Variants in NUPR1 observed in about 807,000 individuals in gnomAD.
NUPR1 encodes the protein nuclear protein 1, transcriptional regulator.
Under a neutral mutation model 7.3 loss-of-function variants are expected in NUPR1, and 8 were observed. The observed-to-expected ratio is 1.09, with a 90% CI of 0.64 to 1.97. The LOEUF (loss-of-function observed/expected upper bound fraction) is 1.97. Ranked by LOEUF, NUPR1 falls within the 30% of genes most tolerant of loss-of-function variation. NUPR1 has a pLI of 0.00. For missense variants in NUPR1, 96 were observed against 111.7 expected, an observed-to-expected ratio of 0.86 and a Z score of 0.63; for synonymous variants, 39 against 44.5, an observed-to-expected ratio of 0.88 and a Z score of 0.49.
At position 28,535,608 on chromosome 16, in the gene NUPR1, C is replaced by CTTTCTTTCT. The variant is rs1248319946; in HGVS notation, c.*2066_*2074dup. The CTTTCTTTCT allele has an allele frequency of 1.2e-4, 1 of 8,194 alleles. No homozygotes were observed. Among genetic ancestry groups the CTTTCTTTCT allele is most frequent in the African/African-American group, 1.8e-4 (1 of 5,528 alleles). 0.5% of individuals were successfully genotyped at this position (8,194 alleles called of 1,614,324 possible). On this transcript the variant is annotated 3_prime_UTR_variant, in exon 3 of 3. Transcript: ENST00000324873. ...TCTTTCTTTCTTTCTTTCTTTCTTTCTTTCTTTCTTTCTTCTCTTTCTCTC... is the reference window on the plus strand; with the variant it reads ...TCTTTCTTTCTTTCTTTCTTTCTTTCTTTCTTTCTTTTCTTTCTTTCTTCTCTTTCTCTC...
At chr16:28,538,282 T>C in intron 1 of NUPR1, 127 bp from the exon 2 acceptor site, 1 of 1,381,346 alleles carries the variant, frequency 7.2e-7, no homozygotes, top group East Asian at 2.3e-5. Context: ...GCTTCCCCTC[T>C]GTGGAATGTG....
rs2046601361 is a variant in NUPR1 at position 28,534,967 on chromosome 16, C to T, written c.*2716G>A. ...TTGGGGCTAAGTAAGAGAGGAGTAA[C>T]TTTGTATCCTGTTTTGATTCTTCAT... On this transcript the variant is annotated 3_prime_UTR_variant, in exon 3 of 3. Coordinates refer to ENST00000324873, the MANE Select transcript of NUPR1 (RefSeq NM_012385.3). 1.3e-5 allele frequency: 2 copies of T among 152,188 alleles called. No individual in the cohort carries two copies. Among genetic ancestry groups the T allele is most frequent in the African/African-American group, 2.4e-5 (1 of 41,456 alleles). The allele number at this position is 152,188 out of a possible 1,614,324, so 9.4% of individuals were successfully genotyped here.
intron 1 of NUPR1, chr16:28,538,533 G>T: frequency 1.6e-6 from 1 of 610,362 alleles, no homozygotes; most frequent in South Asian, 1.7e-5. Flanking sequence ...CACCACTGCA[G>T]GTGGTGTACA....
chr16:28,537,991 C>T lies in NUPR1; in HGVS notation c.*13+15G>A. The T allele has an allele frequency of 6.3e-7, 1 of 1,596,940 alleles. No homozygotes were observed. The highest frequency in any genetic ancestry group is 8.6e-7 in the Non-Finnish European group (1 of 1,169,566). On this transcript the variant is annotated intron_variant, in intron 2 of 2. Coordinates refer to ENST00000324873, the MANE Select transcript of NUPR1 (RefSeq NM_012385.3). ...AAGCACCACCTTGAGCTCTCTGGGCCCCCCGACTCCTTACCTCCAGCTCTG... is the reference window on the plus strand; with the variant it reads ...AAGCACCACCTTGAGCTCTCTGGGCTCCCCGACTCCTTACCTCCAGCTCTG...
Position 28,538,097 on chromosome 16 carries a change from G to A in NUPR1, c.171C>T (p.Pro57=). ...GTTTCCTCTCGTGCCCGCCAGGGCTGGGGCGGTTGGTGTTGGCAGCAGCTT... is the reference window on the plus strand; with the variant it reads ...GTTTCCTCTCGTGCCCGCCAGGGCTAGGGCGGTTGGTGTTGGCAGCAGCTT... ...KREAAANTNR[P]SPGGHERKLV... Residue 57 remains proline, a synonymous_variant, in exon 2 of 3, where the codon CCC becomes CCT. Transcript: ENST00000324873. The A allele has an allele frequency of 6.2e-7, 1 of 1,614,180 alleles. No homozygotes were observed. Among genetic ancestry groups the A allele is most frequent in the Non-Finnish European group, 8.5e-7 (1 of 1,180,038 alleles).
At chr16:28,538,243 G>A (rs2046639188) in intron 1 of NUPR1, 88 bp from the exon 2 acceptor site, 1 of 1,590,176 alleles carries the variant, frequency 6.3e-7, no homozygotes, top group African/African-American at 1.3e-5. Context: ...CAGGGTTGTG[G>A]GGATGGGAAG....
In NUPR1 at chr16:28,535,293, C is replaced by T. The variant is rs2046602798; in HGVS notation, c.*2390G>A. 6.6e-6 allele frequency: 1 copy of T among 151,646 alleles called. No individual in the cohort carries two copies. Among genetic ancestry groups the T allele is most frequent in the Non-Finnish European group, 1.5e-5 (1 of 67,994 alleles). The allele number at this position is 151,646 out of a possible 1,614,324, so 9.4% of individuals were successfully genotyped here. ...TCCCTCCCTCCTTTCCTTCCTCTTTCTTTCCCTCCTTCTCTCTTTCTTTCT... is the reference window on the plus strand; with the variant it reads ...TCCCTCCCTCCTTTCCTTCCTCTTTTTTTCCCTCCTTCTCTCTTTCTTTCT... On this transcript the variant is annotated 3_prime_UTR_variant, in exon 3 of 3. Transcript: ENST00000324873.
In NUPR1 at chr16:28,538,029, G is replaced by T. The variant is rs762626698; in HGVS notation, c.239C>A (p.Ala80Glu). 1 of 1,613,466 alleles carries T rather than the reference G, an allele frequency of 6.2e-7. No homozygotes were observed. Among genetic ancestry groups the T allele is most frequent in the South Asian group, 1.1e-5 (1 of 91,062 alleles). ...ACCTCCAGCTCTGTCTCAGCGCCGT[G>T]CCCCTCGCTTCTTCCTCTCTGAATT... is the stretch of plus-strand genomic sequence containing the variant. ...LQNSERKKRG[A>E]RR Residue 80 changes from alanine to glutamate, a missense_variant, in exon 2 of 3, where the codon GCA becomes GAA. Physicochemically the swap from Ala to Glu is moderately radical, Grantham distance 107. Transcript: ENST00000324873.
intron 2 of NUPR1, 150 bp downstream of exon 2, chr16:28,537,856 G>A: frequency 1.4e-6 from 1 of 692,732 alleles, no homozygotes; most frequent in Non-Finnish European, 2.5e-6. Context: ...CTGGCCACTA[G>A]GAAACTCACA....
At position 28,533,476 on chromosome 16, in the gene NUPR1, G is replaced by C. The variant is rs1465406377; in HGVS notation, c.*4207C>G. On this transcript the variant is annotated 3_prime_UTR_variant, in exon 3 of 3. Transcript: ENST00000324873. ...CAGCCTCCACCTCCCAGACTCAAGAGATCCTCTCACCTCAGCCTCCTGAGT... is the reference window on the plus strand; with the variant it reads ...CAGCCTCCACCTCCCAGACTCAAGACATCCTCTCACCTCAGCCTCCTGAGT... 1 of 152,296 alleles carries C rather than the reference G, an allele frequency of 6.6e-6. No homozygotes were observed. Among genetic ancestry groups the C allele is most frequent in the African/African-American group, 2.4e-5 (1 of 41,440 alleles). The allele number at this position is 152,296 out of a possible 1,614,324, so 9.4% of individuals were successfully genotyped here.
Position 28,535,665 on chromosome 16 carries a change from CTTTT to C in NUPR1, c.*2014_*2017del, listed in dbSNP as rs1268415495. The C allele has an allele frequency of 2.1e-5, 3 of 143,564 alleles. No homozygotes were observed. Among genetic ancestry groups the C allele is most frequent in the African/African-American group, 7.8e-5 (3 of 38,590 alleles). The allele number at this position is 143,564 out of a possible 1,614,324, so 8.9% of individuals were successfully genotyped here. On this transcript the variant is annotated 3_prime_UTR_variant, in exon 3 of 3. Transcript: ENST00000324873. ...TTCTTTTTCTCTCCTTTCTCTCTTT[CTTTT>C]CTTTCTTCCTTCCTTTCTTTTCCTT...
In NUPR1 at chr16:28,535,571, C is replaced by CCTTTCTTT. The variant is rs61474495; in HGVS notation, c.*2104_*2111dup. 2.0e-3 allele frequency: 145 copies of CCTTTCTTT among 71,950 alleles called. 1 individual carries two copies. The highest frequency in any genetic ancestry group is 8.2e-3 in the African/African-American group (138 of 16,932). 4.5% of individuals were successfully genotyped at this position (71,950 alleles called of 1,614,324 possible). ...TCTTTCTTTCTTTCTTTCCTTCCTTCCTTTCTTTCTTTCTTTCTTTCTTTC... is the reference window on the plus strand; with the variant it reads ...TCTTTCTTTCTTTCTTTCCTTCCTTCCTTTCTTTCTTTCTTTCTTTCTTTCTTTCTTTC... On this transcript the variant is annotated 3_prime_UTR_variant, in exon 3 of 3. Coordinates refer to ENST00000324873, the MANE Select transcript of NUPR1 (RefSeq NM_012385.3).
chr16:28,535,592 CTTT>C lies in NUPR1; in HGVS notation c.*2088_*2090del, dbSNP rs1567277613. Reference sequence around the variant, plus strand: ...CCTTCCTTTCTTTCTTTCTTTCTTTCTTTCTTTCTTTCTTTCTTTCTTTCTTTC... The same window carrying C: ...CCTTCCTTTCTTTCTTTCTTTCTTTCCTTTCTTTCTTTCTTTCTTTCTTTC... On this transcript the variant is annotated 3_prime_UTR_variant, in exon 3 of 3. Transcript: ENST00000324873. The C allele has an allele frequency of 4.6e-3, 171 of 37,014 alleles. 2 individuals carry two copies. The highest frequency in any genetic ancestry group is 0.019 in the African/African-American group (156 of 8,432). 2.3% of individuals were successfully genotyped at this position (37,014 alleles called of 1,614,324 possible).
rs1555472555 is a variant in NUPR1 at position 28,535,571 on chromosome 16, C to CTTTCTTTCTTTCCTTCCTTTCTTT, written c.*2111_*2112insAAAGAAAGGAAGGAAAGAAAGAAA. 6.9e-5 allele frequency: 5 copies of CTTTCTTTCTTTCCTTCCTTTCTTT among 71,950 alleles called. 1 individual carries two copies. In the East Asian group the frequency reaches 2.1e-3, roughly 30 times the overall value. The allele number at this position is 71,950 out of a possible 1,614,324, so 4.5% of individuals were successfully genotyped here. Reference sequence around the variant, plus strand: ...TCTTTCTTTCTTTCTTTCCTTCCTTCCTTTCTTTCTTTCTTTCTTTCTTTC... The same window carrying CTTTCTTTCTTTCCTTCCTTTCTTT: ...TCTTTCTTTCTTTCTTTCCTTCCTTCTTTCTTTCTTTCCTTCCTTTCTTTCTTTCTTTCTTTCTTTCTTTCTTTC... On this transcript the variant is annotated 3_prime_UTR_variant, in exon 3 of 3. Coordinates refer to ENST00000324873, the MANE Select transcript of NUPR1 (RefSeq NM_012385.3).
In NUPR1 at chr16:28,538,797, G is replaced by C; in HGVS notation, c.111C>G (p.Leu37=). The C allele has an allele frequency of 6.2e-7, 1 of 1,604,508 alleles. No homozygotes were observed. The highest frequency in any genetic ancestry group is 8.5e-7 in the Non-Finnish European group (1 of 1,173,706). Residue 37 remains leucine (L), a splice_region_variant and synonymous_variant, in exon 1 of 3, where the codon CTC becomes CTG. Transcript: ENST00000324873. ...TGGAGATGGCTGAGTGGGCCTTACC[G>C]AGGTAGGAATGGGCCAGGCTATAGA... is the stretch of plus-strand genomic sequence containing the variant. ...SDLYSLAHSY[L]GGGGRKGRTK...
In NUPR1 at chr16:28,535,572, CT is replaced by C. The variant is rs1270650527; in HGVS notation, c.*2110del. Reference sequence around the variant, plus strand: ...CTTTCTTTCTTTCTTTCCTTCCTTCCTTTCTTTCTTTCTTTCTTTCTTTCTT... The same window carrying C: ...CTTTCTTTCTTTCTTTCCTTCCTTCCTTCTTTCTTTCTTTCTTTCTTTCTT... On this transcript the variant is annotated 3_prime_UTR_variant, in exon 3 of 3. Transcript: ENST00000324873. 135 of 8,846 alleles carry C rather than the reference CT, an allele frequency of 0.015. 1 individual carries two copies. Among genetic ancestry groups the C allele is most frequent in the African/African-American group, 0.019 (122 of 6,492 alleles). 0.5% of individuals were successfully genotyped at this position (8,846 alleles called of 1,614,324 possible). A position where few individuals can be genotyped will look rare whatever the true frequency, so the allele number is the denominator to read the frequency against.
rs2046602172 is a variant in NUPR1 at position 28,535,188 on chromosome 16, T to G, written c.*2495A>C. The G allele has an allele frequency of 6.6e-6, 1 of 152,138 alleles. No homozygotes were observed. Among genetic ancestry groups the G allele is most frequent in the African/African-American group, 2.4e-5 (1 of 41,436 alleles). The allele number at this position is 152,138 out of a possible 1,614,324, so 9.4% of individuals were successfully genotyped here. On this transcript the variant is annotated 3_prime_UTR_variant, in exon 3 of 3. Transcript: ENST00000324873. ...GGACCCACCTCATATCTGAAGACAA[T>G]AAGATCCCTGAATATGAGCCCTGAG... is the stretch of plus-strand genomic sequence containing the variant.
chr16:28,534,687 G>A lies in NUPR1; in HGVS notation c.*2996C>T, dbSNP rs1399204161. Reference sequence around the variant, plus strand: ...ATTTCCCAACCTCTCTCGTAGTTGGGTGTGGCCATGTAGCCACATTCGGAG... The same window carrying A: ...ATTTCCCAACCTCTCTCGTAGTTGGATGTGGCCATGTAGCCACATTCGGAG... On this transcript the variant is annotated 3_prime_UTR_variant, in exon 3 of 3. Coordinates refer to ENST00000324873, the MANE Select transcript of NUPR1 (RefSeq NM_012385.3). 2 of 152,184 alleles carry A rather than the reference G, an allele frequency of 1.3e-5. No individual in the cohort carries two copies. The highest frequency in any genetic ancestry group is 4.8e-5 in the African/African-American group (2 of 41,450). 9.4% of individuals were successfully genotyped at this position (152,184 alleles called of 1,614,324 possible).
rs1347584260 is a variant in NUPR1, at chr16:28,535,577, TTTC to T, written c.*2103_*2105del. 4.4e-5 allele frequency: 1 copy of T among 22,602 alleles called. No individual in the cohort carries two copies. The highest frequency in any genetic ancestry group is 2.5e-4 in the African/African-American group (1 of 3,990). 1.4% of individuals were successfully genotyped at this position (22,602 alleles called of 1,614,324 possible). A position where few individuals can be genotyped will look rare whatever the true frequency, so the allele number is the denominator to read the frequency against. On this transcript the variant is annotated 3_prime_UTR_variant, in exon 3 of 3. Coordinates refer to ENST00000324873, the MANE Select transcript of NUPR1 (RefSeq NM_012385.3). The stretch of plus-strand genomic sequence containing the variant: ...TTTCTTTCTTTCCTTCCTTCCTTTC[TTTC>T]TTTCTTTCTTTCTTTCTTTCTTTCT...
Sources: allele counts gnomAD v4.1 joint callset, GRCh38; gene constraint gnomAD v4.1.1; transcripts MANE v1.5; gene names NCBI Gene and HGNC (gene_info 2026-07-23, HGNC 2026-07-21).